CASC3: variants seen among roughly 807,000 people sequenced by gnomAD.
The protein encoded by CASC3 is CASC3 exon junction complex subunit.
CASC3 carries 30 observed loss-of-function variants against 80.5 expected under a neutral mutation model. The observed-to-expected ratio is 0.37, with a 90% CI of 0.28 to 0.51. The LOEUF is 0.51. Ranked by LOEUF, CASC3 falls within the 20% of genes least tolerant of loss-of-function variation. The probability of loss-of-function intolerance (pLI) is 0.94; values close to 1 mark genes in which losing one functional copy is unlikely to be tolerated. For missense variants in CASC3, 824 were observed against 922.2 expected, an observed-to-expected ratio of 0.89 and a Z score of 1.38; for synonymous variants, 312 against 333.6, an observed-to-expected ratio of 0.94 and a Z score of 0.70.
In CASC3 at chr17:40,169,597, G is replaced by A. The variant is rs200939008; in HGVS notation, c.2089-1G>A. The A allele has an allele frequency of 3.1e-6, 5 of 1,595,778 alleles. No individual in the cohort carries two copies. The African/African-American group carries it at 6.8e-5, about 22-fold the overall frequency. On this transcript the variant is annotated splice_acceptor_variant, in intron 12 of 13. Coordinates refer to ENST00000264645, the MANE Select transcript of CASC3 (RefSeq NM_007359.5). LOFTEE classifies it high-confidence loss of function. ...AACAAATTCCAACTTTGTTATTTCA[G>A]GTTGTAAGCAGGGGTTCCAGTTAAT...
At chr17:40,160,781 G>A (rs1989276454) in intron 3 of CASC3, among the ~76,000 whole-genome samples, 2 of 152,044 alleles carry the variant, frequency 1.3e-5, no homozygotes, top group African/African-American at 4.8e-5. Flanking sequence ...ATGTTGGCCA[G>A]GCTGGTCTCG....
chr17:40,164,240 T>C, intron 7 of CASC3, 74 bp downstream of exon 7: 1 of 1,181,386 alleles, frequency 8.5e-7, no homozygotes, highest in Non-Finnish European at 1.2e-6. Flanking sequence ...GACTTCTGTC[T>C]CAGGAAGGTG....
intron 3 of CASC3, among the ~76,000 whole-genome samples, 184 bp downstream of exon 3, chr17:40,141,791 C>T (rs1360701049): frequency 1.3e-5 from 2 of 152,154 alleles, no homozygotes; most frequent in African/African-American, 4.8e-5. Flanking sequence ...ACTTGGGGCA[C>T]GCCGTCTCAA....
intron 11 of CASC3, chr17:40,168,773 A>G: frequency 3.5e-6 from 1 of 283,006 alleles, no homozygotes; most frequent in South Asian, 3.3e-5. Flanking sequence ...TATTTCTAGT[A>G]GAGATGGCGT....
chr17:40,152,361 G>A (rs1394773574), intron 3 of CASC3, among the ~76,000 whole-genome samples: 1 of 151,156 alleles, frequency 6.6e-6, no homozygotes, highest in African/African-American at 2.4e-5. Flanking sequence ...CACTCTTGTT[G>A]CCCAGGCTGG....
intron 3 of CASC3, among the ~76,000 whole-genome samples, chr17:40,152,072 T>C (rs747147963): frequency 7.9e-5 from 12 of 152,218 alleles, no homozygotes; most frequent in Admixed American, 2.6e-4. Flanking sequence ...CCTTTTTGTA[T>C]GTGTGTGATG....
intron 3 of CASC3, among the ~76,000 whole-genome samples, chr17:40,161,280 A>G (rs538736650): frequency 6.6e-6 from 1 of 152,312 alleles, no homozygotes; most frequent in East Asian, 1.9e-4. Flanking sequence ...CCAGGCCAAA[A>G]TAGGATCTTT....
At position 40,152,809 on chromosome 17, in the gene CASC3, C is replaced by T. The variant is rs555298421; in HGVS notation, c.298-8944C>T. ...ATTATTATTATTTTAGACAGTCTTG[C>T]TCTGTAGCCCAGGCTGGAGTGCAGT... On this transcript the variant is annotated intron_variant, in intron 3 of 13. Transcript: ENST00000264645. Among the ~76,000 whole-genome samples the T allele has an allele frequency of 4.6e-5, 7 of 150,574 alleles. No homozygotes were observed. The South Asian group carries it at 8.4e-4, about 18-fold the overall frequency.
At chr17:40,157,340 C>T (rs955191185) in intron 3 of CASC3, among the ~76,000 whole-genome samples, 1 of 138,010 alleles carries the variant, frequency 7.2e-6, no homozygotes, top group Non-Finnish European at 1.6e-5. Flanking sequence ...GAGACTCCGT[C>T]TCAAATAAAT....
chr17:40,153,083 A>G (rs1432566793), intron 3 of CASC3, among the ~76,000 whole-genome samples: 1 of 152,108 alleles, frequency 6.6e-6, no homozygotes, highest in Non-Finnish European at 1.5e-5. Context: ...CCAGTAAGTT[A>G]TTATTAACTA....
intron 3 of CASC3, among the ~76,000 whole-genome samples, chr17:40,148,467 C>A (rs181136488): frequency 6.6e-6 from 1 of 151,968 alleles, no homozygotes; most frequent in South Asian, 2.1e-4. Flanking sequence ...TGGGTTCAAG[C>A]GATTCTCCTG....
At chr17:40,164,268 ACTT>A (rs1476917178) in intron 7 of CASC3, 102 bp downstream of exon 7, 34 of 1,000,610 alleles carry the variant, frequency 3.4e-5, no homozygotes, top group South Asian at 1.7e-4. Flanking sequence ...ACAAATGTCT[ACTT>A]CTTTTTTTTT....
chr17:40,145,915 G>A (rs1257832593), intron 3 of CASC3, among the ~76,000 whole-genome samples: 1 of 152,010 alleles, frequency 6.6e-6, no homozygotes, highest in African/African-American at 2.4e-5. Flanking sequence ...ACAAGCATGA[G>A]CCACTATGCT....
chr17:40,168,095 A>G, intron 10 of CASC3, 108 bp from the exon 11 acceptor site: 1 of 1,274,534 alleles, frequency 7.8e-7, no homozygotes, highest in South Asian at 1.2e-5. Context: ...TCTTGTGTCC[A>G]TCCTGAGGAC....
chr17:40,157,750 G>C (rs555656749), intron 3 of CASC3, among the ~76,000 whole-genome samples: 99 of 152,158 alleles, frequency 6.5e-4, no homozygotes, highest in South Asian at 1.2e-3. Flanking sequence ...TATAACTTTT[G>C]ACTCACCCAA....
intron 3 of CASC3, among the ~76,000 whole-genome samples, chr17:40,158,574 CCTAGAA>C (rs1322556564): frequency 6.6e-6 from 1 of 152,122 alleles, no homozygotes; most frequent in Non-Finnish European, 1.5e-5. Flanking sequence ...CCTTTTCCTA[CCTAGAA>C]CTAGCCACAC....
Position 40,140,546 on chromosome 17 carries a change from A to G in CASC3, c.-3A>G, listed in dbSNP as rs1232122606. ...CTCGCCGGTGGTGGCCGTTCTCCGT[A>G]AGATGGCGGACCGGCGGCGGCAGCG... On this transcript the variant is annotated 5_prime_UTR_variant, in exon 1 of 14. Coordinates refer to ENST00000264645, the MANE Select transcript of CASC3 (RefSeq NM_007359.5). The G allele has an allele frequency of 3.1e-6, 5 of 1,606,456 alleles. No individual in the cohort carries two copies. The African/African-American group carries it at 6.7e-5, about 21-fold the overall frequency.
intron 7 of CASC3, 127 bp from the exon 8 acceptor site, chr17:40,166,670 G>A (rs984430204): frequency 5.1e-6 from 3 of 593,672 alleles, no homozygotes; most frequent in Non-Finnish European, 8.7e-6. Flanking sequence ...AGTTTATAGA[G>A]AATTTTATTA....
chr17:40,169,204 T>G, intron 11 of CASC3, 120 bp from the exon 12 acceptor site: 1 of 1,029,458 alleles, frequency 9.7e-7, no homozygotes, highest in Non-Finnish European at 1.3e-6. Context: ...GTGGGCAGAT[T>G]AGATATTTTT....
Sources: gnomAD v4.1 joint callset for allele counts (sites outside exome capture counted in the v4.1 genomes callset) on GRCh38, gnomAD v4.1.1 for gene constraint, MANE v1.5 for transcripts, NCBI Gene and HGNC (gene_info 2026-07-23, HGNC 2026-07-21) for gene names.